RIT2: variants seen among roughly 807,000 people sequenced by gnomAD.
The protein encoded by RIT2 is Ras like without CAAX 2.
RIT2 carries 24 observed loss-of-function variants against 23.7 expected under a neutral mutation model. The ratio of observed to expected loss-of-function variants is 1.01; its 90% CI spans 0.73 to 1.43. RIT2 has a LOEUF of 1.43. Ranked by LOEUF, RIT2 falls within the 40% of genes most tolerant of loss-of-function variation. The pLI is 0.00. For synonymous variants in RIT2, 107 were observed against 91.1 expected (o/e 1.17, Z -0.99); for missense variants, 236 against 266.9 (o/e 0.88, Z 0.81).
intron 4 of RIT2, among the ~76,000 whole-genome samples, chr18:42,834,341 C>T (rs930621117): frequency 6.6e-6 from 1 of 152,058 alleles, no homozygotes; most frequent in Non-Finnish European, 1.5e-5. Flanking sequence ...ATGGACAATT[C>T]GTATAAACTC....
At chr18:42,926,657 G>C (rs1376004042) in intron 3 of RIT2, among the ~76,000 whole-genome samples, 1 of 151,904 alleles carries the variant, frequency 6.6e-6, no homozygotes, top group Non-Finnish European at 1.5e-5. Context: ...AAGTCCAACA[G>C]TTATTGTGCT....
intron 3 of RIT2, among the ~76,000 whole-genome samples, chr18:42,946,505 A>T (rs189710031): frequency 6.6e-6 from 1 of 152,056 alleles, no homozygotes; most frequent in Admixed American, 6.6e-5. Context: ...TTTTTAAAAT[A>T]TTCTAATAAT....
intron 4 of RIT2, among the ~76,000 whole-genome samples, chr18:42,809,855 A>G (rs1175570596): frequency 8.7e-6 from 1 of 114,992 alleles, no homozygotes; most frequent in Admixed American, 8.0e-5. Context: ...TATGTTATAT[A>G]TATTATATAT....
intron 4 of RIT2, among the ~76,000 whole-genome samples, chr18:42,864,225 C>G (rs1907409465): frequency 6.6e-6 from 1 of 152,144 alleles, no homozygotes. Flanking sequence ...GAAGTTGAAC[C>G]AGGTATCAAC....
intron 1 of RIT2, among the ~76,000 whole-genome samples, chr18:43,084,055 C>G (rs190720665): frequency 6.6e-6 from 1 of 152,158 alleles, no homozygotes; most frequent in Admixed American, 6.5e-5. Flanking sequence ...CCAAACAACC[C>G]CATCAAAAAG....
At chr18:42,850,404 A>G (rs1194238673) in intron 4 of RIT2, among the ~76,000 whole-genome samples, 1 of 152,188 alleles carries the variant, frequency 6.6e-6, no homozygotes, top group Non-Finnish European at 1.5e-5. Context: ...TGTATTGTAA[A>G]GAGTAAAGTT....
intron 2 of RIT2, among the ~76,000 whole-genome samples, chr18:42,978,442 A>T (rs1349554489): frequency 6.6e-6 from 1 of 151,818 alleles, no homozygotes; most frequent in African/African-American, 2.4e-5. Context: ...GTTTCCATTC[A>T]TTCACTCCCT....
At chr18:43,112,540 C>G (rs1015144776) in intron 1 of RIT2, among the ~76,000 whole-genome samples, 2 of 152,096 alleles carry the variant, frequency 1.3e-5, no homozygotes, top group Non-Finnish European at 2.9e-5. Flanking sequence ...TGTGGGAATT[C>G]CTATTTCAGT....
chr18:42,818,393 A>G (rs1220843998), intron 4 of RIT2, among the ~76,000 whole-genome samples: 3 of 152,076 alleles, frequency 2.0e-5, no homozygotes, highest in Non-Finnish European at 2.9e-5. Flanking sequence ...CTTCTGAGAA[A>G]TTGAAAGATA....
chr18:42,878,841 CGCCACCA>C, intron 4 of RIT2, among the ~76,000 whole-genome samples: 1 of 151,154 alleles, frequency 6.6e-6, no homozygotes, highest in Middle Eastern at 3.4e-3. Flanking sequence ...CCCCGCCCCC[CGCCACCA>C]ATTCTTACTT....
At chr18:42,790,481 C>G (rs1308311365) in intron 4 of RIT2, among the ~76,000 whole-genome samples, 1 of 152,212 alleles carries the variant, frequency 6.6e-6, no homozygotes, top group Non-Finnish European at 1.5e-5. Context: ...CTCACTCTGT[C>G]GCCTAGGCCG....
intron 4 of RIT2, 159 bp downstream of exon 4, chr18:42,923,413 C>A: frequency 5.7e-6 from 4 of 696,724 alleles, no homozygotes; most frequent in South Asian, 3.6e-5. Flanking sequence ...TTATGGAGGC[C>A]AACACAATTT....
At chr18:43,018,673 A>C (rs1391623926) in intron 2 of RIT2, among the ~76,000 whole-genome samples, 2 of 151,990 alleles carry the variant, frequency 1.3e-5, no homozygotes, top group Admixed American at 6.6e-5. Context: ...ACAAACAAAA[A>C]ACCTGCCAGC....
intron 4 of RIT2, among the ~76,000 whole-genome samples, chr18:42,873,862 G>A (rs1391146021): frequency 6.6e-6 from 1 of 152,136 alleles, no homozygotes; most frequent in Non-Finnish European, 1.5e-5. Flanking sequence ...TTGAAGCAGA[G>A]AGAGGCTACA....
chr18:42,972,392 C>G (rs1910382607), intron 3 of RIT2, among the ~76,000 whole-genome samples: 1 of 151,808 alleles, frequency 6.6e-6, no homozygotes, highest in Non-Finnish European at 1.5e-5. Flanking sequence ...TGACCTATTT[C>G]TAGTTGCTTG....
chr18:42,946,196 T>C (rs1909723615), intron 3 of RIT2, among the ~76,000 whole-genome samples: 1 of 152,128 alleles, frequency 6.6e-6, no homozygotes, highest in South Asian at 2.1e-4. Context: ...ACATTTTTAT[T>C]TAAAAAGTTG....
At chr18:43,104,444 G>T (rs1913761287) in intron 1 of RIT2, among the ~76,000 whole-genome samples, 1 of 152,080 alleles carries the variant, frequency 6.6e-6, no homozygotes, top group Admixed American at 6.6e-5. Flanking sequence ...ACAGCACAAA[G>T]AAGTAATAAA....
chr18:42,926,566 A>C (rs909673179), intron 3 of RIT2, among the ~76,000 whole-genome samples: 2 of 151,998 alleles, frequency 1.3e-5, no homozygotes, highest in Non-Finnish European at 2.9e-5. Flanking sequence ...CAAATTTGAT[A>C]AAGTGTAACA....
chr18:42,897,645 G>GA lies in RIT2; in HGVS notation c.426+25926dup, dbSNP rs565392385. Among the ~76,000 whole-genome samples the GA allele has an allele frequency of 2.0e-3, 300 of 151,216 alleles. 2 individuals carry two copies. The highest frequency in any genetic ancestry group is 0.015 in the Admixed American group (233 of 15,158). On this transcript the variant is annotated intron_variant, in intron 4 of 4. Coordinates refer to ENST00000326695, the MANE Select transcript of RIT2 (RefSeq NM_002930.4). Reference sequence around the variant, plus strand: ...AAGTTTCATGGCGGATGTAGTTAGGGAAAAAAAATGTATAAAACACCTAGT... The same window carrying GA: ...AAGTTTCATGGCGGATGTAGTTAGGGAAAAAAAAATGTATAAAACACCTAGT...
Sources: allele counts gnomAD v4.1 joint callset (sites outside exome capture counted in the v4.1 genomes callset), GRCh38; gene constraint gnomAD v4.1.1; transcripts MANE v1.5; gene names NCBI Gene and HGNC (gene_info 2026-07-23, HGNC 2026-07-21).